The following FAT1 variants were observed in gnomAD, a reference collection of about 807,000 sequenced individuals.
FAT1 encodes FAT atypical cadherin 1.
FAT1 carries 171 observed loss-of-function variants against 329.8 expected under a neutral mutation model. The observed-to-expected ratio is 0.52, with a 90% CI of 0.46 to 0.59. The LOEUF (loss-of-function observed/expected upper bound fraction) is 0.59. Among genes scored for constraint, FAT1 ranks in the 20% least tolerant of loss-of-function variants. FAT1 has a pLI of 0.00. For synonymous variants in FAT1, 2,233 were observed against 2,228.6 expected (o/e 1.00, Z -0.06); for missense variants, 5,672 against 5,774.4 (o/e 0.98, Z 0.57).
Position 186,597,608 on chromosome 4 carries a change from A to G in FAT1, c.12368+74T>C, listed in dbSNP as rs1738593179. ...GACATAATGTAGTTCAAATCACTGAAGGTCTGTTGCATCTGCCAGTCAATA... is the reference window on the plus strand; with the variant it reads ...GACATAATGTAGTTCAAATCACTGAGGGTCTGTTGCATCTGCCAGTCAATA... On this transcript the variant is annotated intron_variant, in intron 24 of 26. Coordinates refer to ENST00000441802, the MANE Select transcript of FAT1 (RefSeq NM_005245.4). 4 of 972,864 alleles carry G rather than the reference A, an allele frequency of 4.1e-6. No individual in the cohort carries two copies. The Admixed American group carries it at 7.6e-5, about 18-fold the overall frequency. 60.3% of individuals were successfully genotyped at this position (972,864 alleles called of 1,614,324 possible).
intron 6 of FAT1, among the ~76,000 whole-genome samples, chr4:186,634,101 C>A (rs538295205): frequency 1.3e-5 from 2 of 152,262 alleles, no homozygotes; most frequent in South Asian, 4.1e-4. Context: ...GAGTTACTTT[C>A]AATTTGCTTT....
chr4:186,619,219 G>T lies in FAT1; in HGVS notation c.7367C>A (p.Ala2456Asp), dbSNP rs1267840461. The T allele has an allele frequency of 1.2e-6, 2 of 1,613,880 alleles. No homozygotes were observed. The highest frequency in any genetic ancestry group is 3.3e-5 in the Admixed American group (2 of 60,006). ...GTTAAGACTGTAAAATGGCTTCAGG[G>T]CGTGCCGGTGCAGGTTTGAGAGGGT... The part of the protein sequence containing the change: ...IITLSNLHRH[A>D]LKPFYSLNLS... The change falls in exon 10 of 27, where the codon GCC (alanine) becomes GAC (aspartate). Residue 2456 changes from alanine to aspartate, a missense_variant. By Grantham distance (126) the Ala-to-Asp change is moderately radical (BLOSUM62 -2). Around this residue, in one of 2 missense-constraint regions of FAT1, gnomAD observed 3,966 missense variants for 3,915.2 expected, o/e 1.01. Transcript: ENST00000441802.
chr4:186,722,375 A>C (rs1745505233), intron 1 of FAT1, among the ~76,000 whole-genome samples: 1 of 152,228 alleles, frequency 6.6e-6, no homozygotes, highest in Non-Finnish European at 1.5e-5. Context: ...ACTTCATTCA[A>C]ATCAAACCTT....
intron 1 of FAT1, among the ~76,000 whole-genome samples, chr4:186,723,241 G>C (rs919140399): frequency 2.0e-5 from 3 of 152,250 alleles, no homozygotes; most frequent in Non-Finnish European, 4.4e-5. Context: ...CTCCTGCAGG[G>C]CGCAAACACC....
At chr4:186,601,730 A>T (rs1450565152) in intron 20 of FAT1, 1 of 220,460 alleles carries the variant, frequency 4.5e-6, no homozygotes, top group Non-Finnish European at 8.9e-6. Flanking sequence ...AAATAGTTAT[A>T]CATAGCCTCA....
At chr4:186,675,640 C>T (rs576700132) in intron 2 of FAT1, among the ~76,000 whole-genome samples, 1 of 152,036 alleles carries the variant, frequency 6.6e-6, no homozygotes, top group South Asian at 2.1e-4. Context: ...TGGTGGCACA[C>T]ACCTGTAGCT....
chr4:186,619,538 A>T lies in FAT1; in HGVS notation c.7048T>A (p.Tyr2350Asn), dbSNP rs186948220. ...GLISLLRTLD[Y>N]EQSRQHTIFV... is the part of the protein sequence containing the mutation. ...ATCGTGTGCTGCCGGGACTGCTCGTAATCCAGGGTTCTGAGTAGTGAGATG... is the reference window on the plus strand; with the variant it reads ...ATCGTGTGCTGCCGGGACTGCTCGTTATCCAGGGTTCTGAGTAGTGAGATG... Residue 2350 changes from tyrosine (Y) to asparagine (N), a missense_variant, in exon 10 of 27, where the codon TAC becomes AAC. Physicochemically the swap from Tyr to Asn is moderately radical, Grantham distance 143. This residue lies in a region of FAT1 where 3,966 missense variants were observed against 3,915.2 expected (regional missense o/e 1.01). Transcript: ENST00000441802. 1 of 1,613,934 alleles carries T rather than the reference A, an allele frequency of 6.2e-7. No homozygotes were observed. Among genetic ancestry groups the T allele is most frequent in the Non-Finnish European group, 8.5e-7 (1 of 1,179,894 alleles).
chr4:186,625,916 C>G (rs1410753492), intron 9 of FAT1, among the ~76,000 whole-genome samples: 1 of 152,184 alleles, frequency 6.6e-6, no homozygotes, highest in Admixed American at 6.5e-5. Context: ...AACATGGCAC[C>G]TGGCACATAA....
Position 186,597,964 on chromosome 4 carries a change from AC to A in FAT1, c.12257+7del. The stretch of plus-strand genomic sequence containing the variant: ...ATTGATTATGAAAGTTAAGAAAAAT[AC>A]ACATACCTCTGACCAGTATATAATC... On this transcript the variant is annotated splice_region_variant and intron_variant, in intron 23 of 26. Coordinates refer to ENST00000441802, the MANE Select transcript of FAT1 (RefSeq NM_005245.4). The A allele has an allele frequency of 8.8e-6, 14 of 1,594,170 alleles. No individual in the cohort carries two copies. Among genetic ancestry groups the A allele is most frequent in the Non-Finnish European group, 1.1e-5 (13 of 1,173,036 alleles).
At position 186,620,635 on chromosome 4, in the gene FAT1, T is replaced by A. The variant is rs1444904972; in HGVS notation, c.5951A>T (p.Tyr1984Phe). Reference protein sequence around the residue: ...ESHLKFTQDVYSAVVKENSTE... With the variant: ...ESHLKFTQDVFSAVVKENSTE... ...GGAATTCTCTTTCACTACCGCAGAG[T>A]AGACATCCTGGGTAAACTTTAGGTG... The change falls in exon 10 of 27, where the codon TAC becomes TTC. Residue 1984 changes from tyrosine (Y) to phenylalanine (F), a missense_variant. Physicochemically the swap from Tyr to Phe is conservative, Grantham distance 22. Transcript: ENST00000441802. 6.2e-7 allele frequency: 1 copy of A among 1,613,950 alleles called. No homozygotes were observed. The highest frequency in any genetic ancestry group is 8.5e-7 in the Non-Finnish European group (1 of 1,179,872).
At chr4:186,698,282 C>T (rs1744132512) in intron 2 of FAT1, among the ~76,000 whole-genome samples, 1 of 152,048 alleles carries the variant, frequency 6.6e-6, no homozygotes, top group African/African-American at 2.4e-5. Flanking sequence ...AGGAAGTGCC[C>T]CCGCAGCGAA....
chr4:186,615,272 G>A (rs911766464), intron 11 of FAT1, among the ~76,000 whole-genome samples: 2 of 152,040 alleles, frequency 1.3e-5, no homozygotes, highest in African/African-American at 4.8e-5. Flanking sequence ...AATAAGAACT[G>A]GAATTAACTC....
At chr4:186,680,931 AATG>A (rs1743180495) in intron 2 of FAT1, among the ~76,000 whole-genome samples, 1 of 152,242 alleles carries the variant, frequency 6.6e-6, no homozygotes, top group African/African-American at 2.4e-5. Flanking sequence ...AGCAAAAGTC[AATG>A]ATACTATCTC....
In FAT1 at chr4:186,588,617, T is replaced by C. The variant is rs1001738246; in HGVS notation, c.13742A>G (p.Asp4581Gly). ...HFEEVTIPPLDSQQHTEV is the reference protein window; with the variant it reads ...HFEEVTIPPLGSQQHTEV ...TCAGACTTCCGTGTGCTGCTGGGAA[T>C]CCAGGGGCGGGATCGTCACCTCTTC... is the stretch of plus-strand genomic sequence containing the variant. Residue 4581 changes from aspartate to glycine, a missense_variant, in exon 27 of 27, where the codon GAT becomes GGT. Around this residue, in one of 2 missense-constraint regions of FAT1, gnomAD observed 1,706 missense variants for 1,859.1 expected, o/e 0.92. Transcript: ENST00000441802. 1 of 1,612,808 alleles carries C rather than the reference T, an allele frequency of 6.2e-7. No individual in the cohort carries two copies. Among genetic ancestry groups the C allele is most frequent in the Non-Finnish European group, 8.5e-7 (1 of 1,179,378 alleles).
rs2126502431 is a variant in FAT1, at chr4:186,619,123, T to C, written c.7463A>G (p.His2488Arg). 6.2e-7 allele frequency: 1 copy of C among 1,614,010 alleles called. No individual in the cohort carries two copies. Among genetic ancestry groups the C allele is most frequent in the Non-Finnish European group, 8.5e-7 (1 of 1,179,896 alleles). ...TTCGTTCTGAAGGAAAGCAGGACTG[T>C]GCAAATTGCCTCCAATTACAGTTAC... ...VHVTVIGGNL[H>R]SPAFLQNEYE... Residue 2488 changes from histidine (H) to arginine (R), a missense_variant, in exon 10 of 27, where the codon CAC becomes CGC. This residue lies in a region of FAT1 where 3,966 missense variants were observed against 3,915.2 expected (regional missense o/e 1.01). Transcript: ENST00000441802.
Position 186,616,956 on chromosome 4 carries a change from T to G in FAT1, c.9075+49A>C, listed in dbSNP as rs528166712. On this transcript the variant is annotated intron_variant, in intron 11 of 26. Coordinates refer to ENST00000441802, the MANE Select transcript of FAT1 (RefSeq NM_005245.4). ...CAAATGATGGTCCCATTGAAAGAATTAAGAAATTGAAATTCATAACACACA... is the reference window on the plus strand; with the variant it reads ...CAAATGATGGTCCCATTGAAAGAATGAAGAAATTGAAATTCATAACACACA... 10 of 1,522,906 alleles carry G rather than the reference T, an allele frequency of 6.6e-6. No homozygotes were observed. The South Asian group carries it at 1.1e-4, about 17-fold the overall frequency. 94.3% of individuals were successfully genotyped at this position (1,522,906 alleles called of 1,614,324 possible). A position where few individuals can be genotyped will look rare whatever the true frequency, so the allele number is the denominator to read the frequency against.
chr4:186,671,797 G>T (rs530587801), intron 2 of FAT1, among the ~76,000 whole-genome samples: 1 of 152,100 alleles, frequency 6.6e-6, no homozygotes, highest in Non-Finnish European at 1.5e-5. Context: ...AAACAATACA[G>T]TAGATCGTGT....
At chr4:186,662,878 C>T (rs1047085052) in intron 3 of FAT1, among the ~76,000 whole-genome samples, 2 of 152,020 alleles carry the variant, frequency 1.3e-5, no homozygotes, top group Admixed American at 1.3e-4. Context: ...ACTCTGTCGC[C>T]CAGGCTGGAG....
chr4:186,628,078 G>C (rs1740402884), intron 9 of FAT1, 76 bp downstream of exon 9: 4 of 1,483,092 alleles, frequency 2.7e-6, no homozygotes, highest in Non-Finnish European at 3.7e-6. Flanking sequence ...TCAATACCCA[G>C]AACTGATTTT....
Sources: allele counts gnomAD v4.1 joint callset (sites outside exome capture counted in the v4.1 genomes callset), GRCh38; gene constraint gnomAD v4.1.1; regional missense constraint gnomAD v4.1.1; transcripts MANE v1.5; gene names NCBI Gene and HGNC (gene_info 2026-07-23, HGNC 2026-07-21).